AGBL4: variants seen among roughly 807,000 people sequenced by gnomAD.
AGBL4 encodes the protein AGBL carboxypeptidase 4, also known as cytosolic carboxypeptidase 6.
AGBL4 carries 58 observed loss-of-function variants against 66.4 expected under a neutral mutation model. The observed-to-expected ratio is 0.87, with a 90% CI of 0.71 to 1.09. The LOEUF is 1.09. Ranked by LOEUF, AGBL4 falls within the 50% of genes least tolerant of loss-of-function variation. The pLI is 0.00. For missense variants in AGBL4, 579 were observed against 631.0 expected, an observed-to-expected ratio of 0.92 and a Z score of 0.88; for synonymous variants, 234 against 222.9, an observed-to-expected ratio of 1.05 and a Z score of -0.44.
intron 4 of AGBL4, among the ~76,000 whole-genome samples, chr1:49,049,205 C>T (rs944272739): frequency 6.6e-6 from 1 of 152,106 alleles, no homozygotes; most frequent in Non-Finnish European, 1.5e-5. Flanking sequence ...CTTTCCTCTA[C>T]CTGGTCTGCC....
intron 6 of AGBL4, among the ~76,000 whole-genome samples, chr1:48,813,893 C>T (rs1170107546): frequency 6.6e-6 from 1 of 150,580 alleles, no homozygotes; most frequent in African/African-American, 2.4e-5. Flanking sequence ...GAGAAAAGGA[C>T]CTTCATTTTA....
At chr1:49,906,367 CTT>C (rs1478214111) in intron 1 of AGBL4, among the ~76,000 whole-genome samples, 1 of 152,026 alleles carries the variant, frequency 6.6e-6, no homozygotes, top group African/African-American at 2.4e-5. Flanking sequence ...GATAATCTCT[CTT>C]TTCCTTCAGT....
At chr1:49,595,248 C>A (rs1270667259) in intron 3 of AGBL4, among the ~76,000 whole-genome samples, 2 of 152,018 alleles carry the variant, frequency 1.3e-5, no homozygotes, top group East Asian at 3.9e-4. Flanking sequence ...ACCACCACAC[C>A]CAGCCAATTT....
At chr1:49,614,198 G>C (rs940632120) in intron 3 of AGBL4, among the ~76,000 whole-genome samples, 3 of 152,038 alleles carry the variant, frequency 2.0e-5, no homozygotes, top group African/African-American at 7.2e-5. Flanking sequence ...GCACTGCAGA[G>C]GCCTCTTTTT....
At chr1:49,869,994 T>C (rs552452758) in intron 1 of AGBL4, among the ~76,000 whole-genome samples, 138 of 152,314 alleles carry the variant, frequency 9.1e-4, no homozygotes, top group Non-Finnish European at 1.4e-3. Flanking sequence ...AAATGATAAA[T>C]GTTTGAGGTA....
intron 1 of AGBL4, among the ~76,000 whole-genome samples, chr1:49,950,366 A>C (rs1656049155): frequency 6.6e-6 from 1 of 151,262 alleles, no homozygotes; most frequent in Admixed American, 6.6e-5. Flanking sequence ...ATGCAAACGC[A>C]TAAATAAGAA....
intron 2 of AGBL4, among the ~76,000 whole-genome samples, chr1:49,828,418 G>T (rs1443900914): frequency 6.6e-6 from 1 of 152,110 alleles, no homozygotes; most frequent in South Asian, 2.1e-4. Context: ...TGAATACCAA[G>T]AAGTAAAGAT....
intron 5 of AGBL4, among the ~76,000 whole-genome samples, chr1:48,875,279 A>G (rs1341282462): frequency 6.6e-6 from 1 of 152,160 alleles, no homozygotes; most frequent in Non-Finnish European, 1.5e-5. Context: ...TGATATCTGG[A>G]TGCCATACCC....
At chr1:48,651,862 GTTTCTTCATTAGTA>G (rs1358281138) in intron 8 of AGBL4, among the ~76,000 whole-genome samples, 1 of 152,194 alleles carries the variant, frequency 6.6e-6, no homozygotes, top group Non-Finnish European at 1.5e-5. Flanking sequence ...CTGGGACTCA[GTTTCTTCATTAGTA>G]AAGTCATCCT....
chr1:48,527,195 C>G, the AGBL4 span, among the ~76,000 whole-genome samples: 1 of 152,088 alleles, frequency 6.6e-6, no homozygotes, highest in South Asian at 2.1e-4. Context: ...TCTGACCTGT[C>G]TGGAACCATT....
chr1:49,795,415 A>T (rs1246655693), intron 2 of AGBL4, among the ~76,000 whole-genome samples: 2 of 152,036 alleles, frequency 1.3e-5, no homozygotes, highest in Non-Finnish European at 2.9e-5. Flanking sequence ...AATTCACTGA[A>T]ATATGTATCT....
intron 6 of AGBL4, among the ~76,000 whole-genome samples, chr1:48,782,643 A>G (rs549381760): frequency 6.6e-6 from 1 of 152,304 alleles, no homozygotes; most frequent in Admixed American, 6.5e-5. Flanking sequence ...TCATAGTAAA[A>G]TTAAGAGGCA....
intron 8 of AGBL4, among the ~76,000 whole-genome samples, chr1:48,650,790 G>T (rs1353747066): frequency 6.6e-6 from 1 of 152,024 alleles, no homozygotes; most frequent in Admixed American, 6.6e-5. Flanking sequence ...CTTAACTTTG[G>T]GAAACACTGA....
intron 5 of AGBL4, among the ~76,000 whole-genome samples, chr1:48,892,675 AGC>A (rs1272825342): frequency 3.8e-4 from 58 of 152,322 alleles, no homozygotes; most frequent in African/African-American, 1.4e-3. Context: ...GCCTTTCCAA[AGC>A]AGGCAATTAG....
intron 8 of AGBL4, among the ~76,000 whole-genome samples, chr1:48,640,052 G>A (rs1645730144): frequency 6.6e-6 from 1 of 152,070 alleles, no homozygotes; most frequent in African/African-American, 2.4e-5. Context: ...TGTCTCCTTG[G>A]TGCTCTTGTA....
chr1:49,492,404 T>G (rs1647208039), intron 3 of AGBL4, among the ~76,000 whole-genome samples: 1 of 152,014 alleles, frequency 6.6e-6, no homozygotes, highest in Non-Finnish European at 1.5e-5. Context: ...TTGTTTACTT[T>G]TGAAATTTTC....
rs147651284 is a variant in AGBL4, at chr1:49,275,421, A to C, written c.283-29557T>G. ...TTGGTTTCTTAGCCTCAAGGCTTTT[A>C]AATGTCTAATCTGAGATTCCTTATT... On this transcript the variant is annotated intron_variant, in intron 3 of 13. Transcript: ENST00000371839. Among the ~76,000 whole-genome samples, 177 of 152,326 alleles carry C rather than the reference A, an allele frequency of 1.2e-3. 1 individual carries two copies. The highest frequency in any genetic ancestry group is 4.2e-3 in the African/African-American group (174 of 41,584).
chr1:49,033,412 G>A (rs1664386821), intron 5 of AGBL4, among the ~76,000 whole-genome samples: 1 of 152,058 alleles, frequency 6.6e-6, no homozygotes, highest in Non-Finnish European at 1.5e-5. Flanking sequence ...ATGTTTGCTT[G>A]GTCATGTATC....
chr1:49,159,915 G>C (rs767366999), intron 4 of AGBL4, among the ~76,000 whole-genome samples: 9 of 152,052 alleles, frequency 5.9e-5, no homozygotes, highest in Non-Finnish European at 1.2e-4. Context: ...AGCTCCAGGA[G>C]GTAATTTATG....
Sources: gnomAD v4.1 joint callset for allele counts (sites outside exome capture counted in the v4.1 genomes callset) on GRCh38, gnomAD v4.1.1 for gene constraint, MANE v1.5 for transcripts, NCBI Gene and HGNC (gene_info 2026-07-23, HGNC 2026-07-21) for gene names.